Variants in PIK3C2G observed in about 807,000 individuals in gnomAD.
PIK3C2G encodes the protein phosphatidylinositol-4-phosphate 3-kinase catalytic subunit type 2 gamma.
A neutral mutation model predicts 181.1 loss-of-function variants in PIK3C2G; 168 were observed. That is an observed-to-expected ratio of 0.93 (90% confidence interval 0.82 to 1.05). PIK3C2G has a LOEUF of 1.05. PIK3C2G is among the 50% of genes least tolerant of loss of function. The pLI, the probability that PIK3C2G is intolerant of heterozygous loss-of-function variation, is 0.00. For synonymous variants in PIK3C2G, 573 were observed against 592.2 expected, an observed-to-expected ratio of 0.97 and a Z score of 0.47; for missense variants, 1,869 against 1,732.8, an observed-to-expected ratio of 1.08 and a Z score of -1.40.
At chr12:18,328,399 T>C (rs1179511915) in intron 8 of PIK3C2G, among the ~76,000 whole-genome samples, 1 of 151,962 alleles carries the variant, frequency 6.6e-6, no homozygotes, top group East Asian at 1.9e-4. Context: ...GAAAATTCCA[T>C]ATATGAGTAG....
Position 18,399,713 on chromosome 12 carries a change from T to C in PIK3C2G, c.2181T>C (p.Asn727=). The C allele has an allele frequency of 6.2e-7, 1 of 1,602,348 alleles. No homozygotes were observed. ...GGTTTTATCGCTTCTACTGCAATAATGAAAACTGCTCCCTTCCTTTAGTCC... is the reference window on the plus strand; with the variant it reads ...GGTTTTATCGCTTCTACTGCAATAACGAAAACTGCTCCCTTCCTTTAGTCC... ...YLWFYRFYCN[N]ENCSLPLVLG... Residue 727 remains asparagine, a synonymous_variant, in exon 16 of 33, where the codon AAT becomes AAC. Coordinates refer to ENST00000538779, the MANE Select transcript of PIK3C2G (RefSeq NM_001288772.2).
At chr12:18,525,768 T>C (rs1350942485) in intron 24 of PIK3C2G, among the ~76,000 whole-genome samples, 4 of 152,200 alleles carry the variant, frequency 2.6e-5, no homozygotes, top group African/African-American at 4.8e-5. Flanking sequence ...TATTCATCAC[T>C]GCATAACAGG....
At chr12:18,723,512 T>C in the PIK3C2G span, 1 of 1,612,596 alleles carries the variant, frequency 6.2e-7, no homozygotes, top group Non-Finnish European at 8.5e-7. Flanking sequence ...TCTTCTATGG[T>C]GATTCTTCCT....
the PIK3C2G span, chr12:18,685,738 A>G: frequency 2.2e-6 from 1 of 463,184 alleles, no homozygotes; most frequent in Non-Finnish European, 4.4e-6. Flanking sequence ...ACATCTGCAG[A>G]AATGTTTATA....
chr12:18,384,417 G>C (rs1592123776), intron 14 of PIK3C2G, among the ~76,000 whole-genome samples: 1 of 152,188 alleles, frequency 6.6e-6, no homozygotes, highest in East Asian at 1.9e-4. Context: ...GGGTGTGTAA[G>C]TGTAGATATA....
chr12:18,439,077 T>C (rs1377814714), intron 18 of PIK3C2G, among the ~76,000 whole-genome samples: 4 of 151,954 alleles, frequency 2.6e-5, no homozygotes, highest in African/African-American at 7.2e-5. Flanking sequence ...GCATTGCTCT[T>C]CTTGTCTTAT....
At chr12:18,713,997 T>A in the PIK3C2G span, among the ~76,000 whole-genome samples, 2 of 152,198 alleles carry the variant, frequency 1.3e-5, no homozygotes, top group South Asian at 4.1e-4. Context: ...CAGTGGAAGC[T>A]GATTGCATTC....
chr12:18,434,345 G>C (rs907382118), intron 18 of PIK3C2G, among the ~76,000 whole-genome samples: 2 of 152,024 alleles, frequency 1.3e-5, no homozygotes, highest in African/African-American at 4.8e-5. Flanking sequence ...TTTTTAAAGG[G>C]AACACATTGA....
At chr12:18,559,984 C>A (rs1945264117) in intron 26 of PIK3C2G, among the ~76,000 whole-genome samples, 1 of 151,064 alleles carries the variant, frequency 6.6e-6, no homozygotes, top group Admixed American at 6.6e-5. Flanking sequence ...ACTGGGATTA[C>A]AGGCATCTGC....
intron 24 of PIK3C2G, among the ~76,000 whole-genome samples, chr12:18,537,338 A>G (rs1185785371): frequency 1.3e-5 from 2 of 152,126 alleles, no homozygotes; most frequent in Non-Finnish European, 2.9e-5. Context: ...TAAGGTATCA[A>G]AACTCTGTGT....
In PIK3C2G at chr12:18,325,091, A is replaced by G. The variant is rs776762080; in HGVS notation, c.1265A>G (p.Lys422Arg). 2 of 1,538,960 alleles carry G rather than the reference A, an allele frequency of 1.3e-6. No individual in the cohort carries two copies. The highest frequency in any genetic ancestry group is 1.8e-6 in the Non-Finnish European group (2 of 1,114,796). Residue 422 changes from lysine (K) to arginine (R), a missense_variant, in exon 8 of 33, where the codon AAA becomes AGA. Coordinates refer to ENST00000538779, the MANE Select transcript of PIK3C2G (RefSeq NM_001288772.2). ...KYDFHLKYLL[K>R]TQENVYNIIE... ...GACTTCCACCTGAAATACCTATTGA[A>G]AACCCAGGTATTGACTTTTGTTACT...
chr12:18,395,945 G>A (rs1400140434), intron 15 of PIK3C2G, among the ~76,000 whole-genome samples: 3 of 150,388 alleles, frequency 2.0e-5, no homozygotes, highest in Non-Finnish European at 4.5e-5. Context: ...ACATAAAAAA[G>A]AAAAAAGGGG....
At chr12:18,311,207 C>A (rs374219471) in intron 5 of PIK3C2G, among the ~76,000 whole-genome samples, 7 of 151,180 alleles carry the variant, frequency 4.6e-5, no homozygotes, top group African/African-American at 1.7e-4. Context: ...CACATACAGA[C>A]ACACACACAC....
chr12:18,411,137 A>C (rs1355511816), intron 16 of PIK3C2G, among the ~76,000 whole-genome samples: 1 of 152,192 alleles, frequency 6.6e-6, no homozygotes, highest in African/African-American at 2.4e-5. Context: ...TTACTATTAA[A>C]TATCTTTACT....
At chr12:18,382,754 A>T (rs985211900) in intron 14 of PIK3C2G, among the ~76,000 whole-genome samples, 1 of 152,180 alleles carries the variant, frequency 6.6e-6, no homozygotes, top group African/African-American at 2.4e-5. Flanking sequence ...GTCAAATGTG[A>T]TTTGAGAAAA....
intron 12 of PIK3C2G, among the ~76,000 whole-genome samples, chr12:18,370,669 G>C (rs1941986119): frequency 6.6e-6 from 1 of 152,002 alleles, no homozygotes; most frequent in African/African-American, 2.4e-5. Flanking sequence ...CTATCAACTT[G>C]ACTTCATCTT....
chr12:18,673,553 A>C, the PIK3C2G span, among the ~76,000 whole-genome samples: 1 of 152,214 alleles, frequency 6.6e-6, no homozygotes, highest in African/African-American at 2.4e-5. Context: ...CCCACAAAGA[A>C]AAGACCTATT....
chr12:18,405,308 T>C (rs1944461249), intron 16 of PIK3C2G, among the ~76,000 whole-genome samples: 1 of 152,026 alleles, frequency 6.6e-6, no homozygotes, highest in Non-Finnish European at 1.5e-5. Context: ...GCTACGGAAG[T>C]AGAGGATGTG....
chr12:18,673,263 C>T, the PIK3C2G span, among the ~76,000 whole-genome samples: 5 of 152,012 alleles, frequency 3.3e-5, no homozygotes, highest in South Asian at 2.1e-4. Context: ...CAGCTATCCC[C>T]ACTGTAATCC....
Sources: allele counts gnomAD v4.1 joint callset (sites outside exome capture counted in the v4.1 genomes callset), GRCh38; gene constraint gnomAD v4.1.1; transcripts MANE v1.5; gene names NCBI Gene and HGNC (gene_info 2026-07-23, HGNC 2026-07-21).